Variants in OLR1 observed in about 807,000 individuals in gnomAD.
OLR1 encodes the protein oxidized low density lipoprotein receptor 1, also known as oxidized low-density lipoprotein receptor 1.
In OLR1, 23 loss-of-function variants were observed where a neutral mutation model predicts 31.7. The observed-to-expected ratio is 0.72, with a 90% CI of 0.52 to 1.03. OLR1 has a LOEUF of 1.03. Ranked by LOEUF, OLR1 falls within the 50% of genes least tolerant of loss-of-function variation. OLR1 has a pLI of 0.00. For missense variants in OLR1, 286 were observed against 315.7 expected, an observed-to-expected ratio of 0.91 and a Z score of 0.71; for synonymous variants, 117 against 115.8, an observed-to-expected ratio of 1.01 and a Z score of -0.07.
At chr12:10,175,549 G>T (rs527570461), upstream of OLR1, 1 of 152,344 alleles carries the variant, frequency 6.6e-6, no homozygotes, top group Admixed American at 6.5e-5. Context: ...GTGTTACACA[G>T]CATATCAACC....
intron 3 of OLR1, among the ~76,000 whole-genome samples, chr12:10,164,328 A>T (rs1039285193): frequency 2.0e-5 from 3 of 152,224 alleles, no homozygotes; most frequent in Non-Finnish European, 2.9e-5. Context: ...AAAATGTTTG[A>T]CACTTGCTAA....
At chr12:10,164,389 C>A (rs35064140) in intron 3 of OLR1, among the ~76,000 whole-genome samples, 1,937 of 152,296 alleles carry the variant, frequency 0.013, 47 homozygotes, top group African/African-American at 0.044. Context: ...TAAATGACCT[C>A]TAAATAGTGA....
Position 10,159,967 on chromosome 12 carries a change from A to G in OLR1, c.735T>C (p.Tyr245=), listed in dbSNP as rs1948606111. Reference sequence around the variant, plus strand: ...CCGCATAAACAGCTCCTCGTTGTATATATGCACAGGTACCTGAAGGGTATG... The same window carrying G: ...CCGCATAAACAGCTCCTCGTTGTATGTATGCACAGGTACCTGAAGGGTATG... The part of the protein sequence containing the change: ...SQTYPSGTCA[Y]IQRGAVYAEN... Residue 245 remains tyrosine (Y), a synonymous_variant, in exon 6 of 6, where the codon TAT becomes TAC. Transcript: ENST00000309539. 3.7e-6 allele frequency: 6 copies of G among 1,613,990 alleles called. No homozygotes were observed. The highest frequency in any genetic ancestry group is 1.7e-5 in the Admixed American group (1 of 59,994).
In OLR1 at chr12:10,166,923, T is replaced by C; in HGVS notation, c.213A>G (p.Gln71=). The C allele has an allele frequency of 1.2e-6, 2 of 1,613,792 alleles. No individual in the cohort carries two copies. The highest frequency in any genetic ancestry group is 1.7e-6 in the Non-Finnish European group (2 of 1,179,966). ...TCTTTTTCTGGTGAGTTAGGTTTGC[T>C]TGCTCTTGTGTTAGGAGGTCAGACA... ...SQVSDLLTQE[Q]ANLTHQKKKL... The change falls in exon 3 of 6, where the codon CAA becomes CAG. Residue 71 remains glutamine (Q), a synonymous_variant. Coordinates refer to ENST00000309539, the MANE Select transcript of OLR1 (RefSeq NM_002543.4).
At chr12:10,172,595 T>A (rs1458675204), upstream of OLR1, among the ~76,000 whole-genome samples, 1 of 152,220 alleles carries the variant, frequency 6.6e-6, no homozygotes, top group Non-Finnish European at 1.5e-5. Flanking sequence ...AATTTTGGGG[T>A]GAATCACATA....
upstream of OLR1, chr12:10,172,148 T>A: frequency 2.0e-6 from 2 of 1,013,832 alleles, no homozygotes; most frequent in Non-Finnish European, 3.1e-6. Context: ...TATGTGAGCT[T>A]CTGCAGAAGT....
chr12:10,162,625 C>T (rs866485539), intron 3 of OLR1, among the ~76,000 whole-genome samples: 3 of 152,064 alleles, frequency 2.0e-5, no homozygotes, highest in African/African-American at 7.2e-5. Flanking sequence ...GCCAGGAGTT[C>T]CAGACCAGCC....
chr12:10,162,917 A>G (rs1217689560), intron 3 of OLR1, among the ~76,000 whole-genome samples: 1 of 152,136 alleles, frequency 6.6e-6, no homozygotes, highest in Non-Finnish European at 1.5e-5. Context: ...TAAGAAGGAC[A>G]CATTACAAAA....
At chr12:10,161,697 C>T (rs1948620945) in intron 3 of OLR1, among the ~76,000 whole-genome samples, 2 of 152,044 alleles carry the variant, frequency 1.3e-5, no homozygotes, top group South Asian at 4.1e-4. Flanking sequence ...CATGACCCAC[C>T]ACACCCGGCT....
chr12:10,162,673 C>A (rs1392417510), intron 3 of OLR1, among the ~76,000 whole-genome samples: 2 of 152,014 alleles, frequency 1.3e-5, no homozygotes, highest in Non-Finnish European at 2.9e-5. Context: ...ACAAAAAACA[C>A]AAAAATTCAC....
chr12:10,174,803 T>C (rs1482437461), upstream of OLR1, among the ~76,000 whole-genome samples: 1 of 152,258 alleles, frequency 6.6e-6, no homozygotes, highest in Non-Finnish European at 1.5e-5. Context: ...TGGTTTATTT[T>C]AGGCACCTCA....
chr12:10,172,018 A>G lies in OLR1; in HGVS notation c.60T>C (p.Asn20=), dbSNP rs1416827997. ...CCCTAGTACCTTTAGCTTTTTTTCCATTTGACTTCTCATCAGGCTGGTCCT... is the reference window on the plus strand; with the variant it reads ...CCCTAGTACCTTTAGCTTTTTTTCCGTTTGACTTCTCATCAGGCTGGTCCT... The part of the protein sequence containing the change: ...TVKDQPDEKS[N]GKKAKGLQFL... The change falls in exon 1 of 6, where the codon AAT becomes AAC. Residue 20 remains asparagine, a synonymous_variant. Coordinates refer to ENST00000309539, the MANE Select transcript of OLR1 (RefSeq NM_002543.4). 1.2e-6 allele frequency: 2 copies of G among 1,613,144 alleles called. No individual in the cohort carries two copies. Among genetic ancestry groups the G allele is most frequent in the African/African-American group, 1.3e-5 (1 of 74,810 alleles).
chr12:10,166,019 T>A (rs1948658962), intron 3 of OLR1, among the ~76,000 whole-genome samples: 1 of 151,904 alleles, frequency 6.6e-6, no homozygotes, highest in Admixed American at 6.6e-5. Flanking sequence ...GAGACCAGCC[T>A]GTTCAATATG....
chr12:10,160,170 G>A (rs1565419176), intron 5 of OLR1, 149 bp from the exon 6 acceptor site: 9 of 977,794 alleles, frequency 9.2e-6, no homozygotes, highest in Non-Finnish European at 1.4e-5. Flanking sequence ...ATGTCTGAAT[G>A]GTTAATGAGT....
chr12:10,160,275 T>C, intron 5 of OLR1, 72 bp downstream of exon 5: 2 of 1,222,240 alleles, frequency 1.6e-6, no homozygotes, highest in Non-Finnish European at 1.2e-6. Context: ...ATGCAGGCAG[T>C]GACCTCACTA....
intron 3 of OLR1, among the ~76,000 whole-genome samples, chr12:10,161,703 C>A (rs567239515): frequency 6.6e-6 from 1 of 151,912 alleles, no homozygotes; most frequent in African/African-American, 2.4e-5. Context: ...CCACCACACC[C>A]GGCTAGTTTG....
upstream of OLR1, among the ~76,000 whole-genome samples, chr12:10,175,015 A>G (rs1591986495): frequency 1.3e-5 from 2 of 152,294 alleles, no homozygotes; most frequent in Admixed American, 1.3e-4. Context: ...CTGTTTTTAA[A>G]GATCAGTGGG....
intron 3 of OLR1, 51 bp downstream of exon 3, chr12:10,166,661 A>G (rs1948664809): frequency 6.2e-7 from 1 of 1,605,868 alleles, no homozygotes. Context: ...AATAGTTATG[A>G]TTGGACAGAA....
In OLR1 at chr12:10,172,068, CA is replaced by C; in HGVS notation, c.9del (p.Phe3LeufsTer4). On this transcript the variant is annotated frameshift_variant, in exon 1 of 6. Transcript: ENST00000309539. LOFTEE classifies it high-confidence loss of function. MT[F>X]DDLKIQTVKD... ...TTCACAGTCTGGATCTTTAGGTCAT[CA>C]AAAGTCATTTCCAAATTCAAGCTAA... is the stretch of plus-strand genomic sequence containing the variant. 1.2e-6 allele frequency: 2 copies of C among 1,613,264 alleles called. No individual in the cohort carries two copies. The highest frequency in any genetic ancestry group is 2.2e-5 in the East Asian group (1 of 44,846).
Sources: gnomAD v4.1 joint callset for allele counts (sites outside exome capture counted in the v4.1 genomes callset) on GRCh38, gnomAD v4.1.1 for gene constraint, MANE v1.5 for transcripts, NCBI Gene and HGNC (gene_info 2026-07-23, HGNC 2026-07-21) for gene names.